CFAP44: variants seen among roughly 807,000 people sequenced by gnomAD.
CFAP44 encodes the protein cilia- and flagella-associated protein 44.
CFAP44 carries 134 observed loss-of-function variants against 216.2 expected under a neutral mutation model. The ratio of observed to expected loss-of-function variants is 0.62; its 90% CI spans 0.54 to 0.72. The LOEUF (loss-of-function observed/expected upper bound fraction) is 0.72. CFAP44 is among the 30% of genes least tolerant of loss of function. CFAP44 has a pLI of 0.00. For missense variants in CFAP44, 2,035 were observed against 2,182.1 expected (o/e 0.93, Z 1.34); for synonymous variants, 700 against 727.6 (o/e 0.96, Z 0.61).
intron 21 of CFAP44, chr3:113,360,569 T>G (rs1950529363): frequency 5.2e-6 from 1 of 193,086 alleles, no homozygotes; most frequent in African/African-American, 2.3e-5. Context: ...TTACTCTGTA[T>G]GATAGTATTA....
At chr3:113,388,119 C>G (rs552258244) in intron 15 of CFAP44, among the ~76,000 whole-genome samples, 67 of 152,232 alleles carry the variant, frequency 4.4e-4, no homozygotes, top group African/African-American at 1.5e-3. Flanking sequence ...ATCTCACCAC[C>G]CTGAAGGGAA....
chr3:113,382,933 T>C (rs970854128), intron 15 of CFAP44, among the ~76,000 whole-genome samples: 36 of 152,020 alleles, frequency 2.4e-4, no homozygotes, highest in African/African-American at 8.5e-4. Context: ...AAAGAGGGAG[T>C]TGATAAGAGC....
At chr3:113,317,144 C>T (rs1950095889) in intron 28 of CFAP44, among the ~76,000 whole-genome samples, 1 of 152,208 alleles carries the variant, frequency 6.6e-6, no homozygotes, top group Non-Finnish European at 1.5e-5. Context: ...TGAGGGATGG[C>T]TCACTCTTAC....
intron 6 of CFAP44, among the ~76,000 whole-genome samples, chr3:113,409,930 C>T (rs563706327): frequency 1.3e-5 from 2 of 152,304 alleles, no homozygotes; most frequent in African/African-American, 4.8e-5. Flanking sequence ...AATACCATGG[C>T]CACATCAGTA....
intron 24 of CFAP44, among the ~76,000 whole-genome samples, chr3:113,333,788 T>C (rs376368512): frequency 1.3e-5 from 2 of 152,142 alleles, no homozygotes; most frequent in Admixed American, 6.5e-5. Flanking sequence ...TAATATACAA[T>C]TATATAAACA....
chr3:113,426,711 T>A, intron 3 of CFAP44: 1 of 188,694 alleles, frequency 5.3e-6, no homozygotes, highest in South Asian at 1.2e-4. Context: ...AAATTGTATT[T>A]CCCAGAGACA....
intron 22 of CFAP44, among the ~76,000 whole-genome samples, chr3:113,355,235 T>A (rs567926513): frequency 3.0e-4 from 46 of 151,480 alleles, no homozygotes; most frequent in African/African-American, 1.0e-3. Context: ...AAAAAAAAAA[T>A]TTAAGCCAGG....
chr3:113,436,511 G>C (rs1363422046), intron 1 of CFAP44, among the ~76,000 whole-genome samples: 1 of 152,148 alleles, frequency 6.6e-6, no homozygotes, highest in Non-Finnish European at 1.5e-5. Flanking sequence ...TTTCAAAATA[G>C]TTTCAGAATA....
chr3:113,427,246 T>A lies in CFAP44; in HGVS notation c.194A>T (p.Glu65Val). ...EGSYLEEDSD[E>V]ERLEGSLSSF... ...ACTCAAACTTCCTTCCAAACGTTCC[T>A]CATCTGAGTCTTCTTCTAAATATGA... The change falls in exon 3 of 35, where the codon GAG becomes GTG. Residue 65 changes from glutamate to valine, a missense_variant. Coordinates refer to ENST00000393845, the MANE Select transcript of CFAP44 (RefSeq NM_001164496.2). The A allele has an allele frequency of 6.2e-7, 1 of 1,613,676 alleles. No individual in the cohort carries two copies. Among genetic ancestry groups the A allele is most frequent in the Non-Finnish European group, 8.5e-7 (1 of 1,179,858 alleles).
intron 7 of CFAP44, among the ~76,000 whole-genome samples, chr3:113,407,837 T>A (rs1934329226): frequency 6.6e-6 from 1 of 152,108 alleles, no homozygotes; most frequent in Non-Finnish European, 1.5e-5. Context: ...ATAGCCAACA[T>A]CCTCTCCAAA....
At chr3:113,366,927 G>A (rs374784933) in intron 18 of CFAP44, among the ~76,000 whole-genome samples, 8 of 152,338 alleles carry the variant, frequency 5.3e-5, no homozygotes, top group East Asian at 1.9e-4. Flanking sequence ...CTGGCTCAGC[G>A]GGTCCCACGC....
intron 18 of CFAP44, among the ~76,000 whole-genome samples, chr3:113,371,119 T>G (rs1210372969): frequency 6.6e-6 from 1 of 152,168 alleles, no homozygotes; most frequent in East Asian, 1.9e-4. Context: ...TGTTCATGGA[T>G]AGGAAGAATC....
intron 30 of CFAP44, among the ~76,000 whole-genome samples, chr3:113,305,977 T>A (rs1949981848): frequency 6.6e-6 from 1 of 152,130 alleles, no homozygotes; most frequent in African/African-American, 2.4e-5. Flanking sequence ...ACTTATACAG[T>A]CATCAGAAAA....
intron 32 of CFAP44, 151 bp downstream of exon 32, chr3:113,303,765 G>A (rs942074045): frequency 2.4e-5 from 19 of 804,606 alleles, no homozygotes; most frequent in Admixed American, 6.0e-5. Flanking sequence ...CAGGAGAAAC[G>A]GTGAGTAGGA....
At chr3:113,301,180 T>A (rs1046728059) in intron 32 of CFAP44, among the ~76,000 whole-genome samples, 1 of 152,178 alleles carries the variant, frequency 6.6e-6, no homozygotes. Flanking sequence ...AACAGCTATA[T>A]GCTATATTAC....
intron 2 of CFAP44, 78 bp downstream of exon 2, chr3:113,433,487 T>C: frequency 1.7e-6 from 1 of 590,570 alleles, no homozygotes; most frequent in East Asian, 4.9e-5. Context: ...GCTCTTTCCA[T>C]TCTACTATAA....
intron 23 of CFAP44, among the ~76,000 whole-genome samples, chr3:113,343,860 G>A (rs1379934900): frequency 6.6e-6 from 1 of 152,144 alleles, no homozygotes; most frequent in Non-Finnish European, 1.5e-5. Context: ...ATTAATGTTC[G>A]TATTATATCA....
At chr3:113,409,028 AAGTC>A in intron 7 of CFAP44, 74 bp downstream of exon 7, 5 of 802,360 alleles carry the variant, frequency 6.2e-6, no homozygotes, top group East Asian at 2.8e-5. Flanking sequence ...AAAAAAAAAA[AAGTC>A]TCCAGCTCTT....
At chr3:113,319,403 T>C (rs761060128) in intron 28 of CFAP44, among the ~76,000 whole-genome samples, 3 of 152,216 alleles carry the variant, frequency 2.0e-5, no homozygotes, top group Non-Finnish European at 4.4e-5. Context: ...GAAATATATA[T>C]GCACCCAACA....
Sources: gnomAD v4.1 joint callset for allele counts (sites outside exome capture counted in the v4.1 genomes callset) on GRCh38, gnomAD v4.1.1 for gene constraint, MANE v1.5 for transcripts, NCBI Gene and HGNC (gene_info 2026-07-23, HGNC 2026-07-21) for gene names.